ITSN1: variants seen among roughly 807,000 people sequenced by gnomAD.
ITSN1 encodes intersectin-1.
ITSN1 carries 58 observed loss-of-function variants against 239.8 expected under a neutral mutation model. The ratio of observed to expected loss-of-function variants is 0.24; its 90% CI spans 0.20 to 0.30. The LOEUF is 0.30. ITSN1 is among the 10% of genes least tolerant of loss of function. The pLI is 1.00. For missense variants in ITSN1, 1,558 were observed against 2,103.3 expected (o/e 0.74, Z 5.07); for synonymous variants, 780 against 770.8 (o/e 1.01, Z -0.20).
At position 33,791,548 on chromosome 21, in the gene ITSN1, A is replaced by G. The variant is rs150035220; in HGVS notation, c.1825-2793A>G. Among the ~76,000 whole-genome samples the G allele has an allele frequency of 2.3e-3, 352 of 152,236 alleles. 2 individuals are homozygous for G. The highest frequency in any genetic ancestry group is 2.5e-3 in the Non-Finnish European group (168 of 67,998). On this transcript the variant is annotated intron_variant, in intron 16 of 39. Transcript: ENST00000381318. ...TCATAGGTAGGTTTTTTTTCTGTAG[A>G]TTCTTCAAAATCACTTTTTCTTACA... is the stretch of plus-strand genomic sequence containing the variant.
At chr21:33,802,163 C>T (rs1172794904) in intron 19 of ITSN1, among the ~76,000 whole-genome samples, 2 of 152,066 alleles carry the variant, frequency 1.3e-5, no homozygotes, top group Non-Finnish European at 2.9e-5. Context: ...GCAGCTCGCT[C>T]TCATCCTAAA....
At chr21:33,655,201 C>T (rs1449970748) in intron 1 of ITSN1, among the ~76,000 whole-genome samples, 1 of 152,104 alleles carries the variant, frequency 6.6e-6, no homozygotes, top group African/African-American at 2.4e-5. Context: ...CTGTTTTAAA[C>T]CGGTGTAGAT....
intron 1 of ITSN1, among the ~76,000 whole-genome samples, chr21:33,710,313 C>T (rs574069890): frequency 2.0e-5 from 3 of 151,858 alleles, no homozygotes; most frequent in South Asian, 2.1e-4. Flanking sequence ...CTCCTGACCT[C>T]GTGAACCGCC....
At chr21:33,806,916 A>G in intron 20 of ITSN1, among the ~76,000 whole-genome samples, 1 of 152,198 alleles carries the variant, frequency 6.6e-6, no homozygotes, top group Admixed American at 6.5e-5. Context: ...TTGGATTGGC[A>G]TTTTGGGTAG....
chr21:33,823,966 T>G (rs2073834865), intron 25 of ITSN1, among the ~76,000 whole-genome samples: 1 of 152,208 alleles, frequency 6.6e-6, no homozygotes, highest in South Asian at 2.1e-4. Flanking sequence ...TGGAGTAAAC[T>G]TTCTTGATTA....
At chr21:33,704,172 T>C (rs1225173886) in intron 1 of ITSN1, among the ~76,000 whole-genome samples, 17 of 152,224 alleles carry the variant, frequency 1.1e-4, no homozygotes, top group Non-Finnish European at 2.2e-4. Context: ...GACTTCCTGC[T>C]TACATATGGT....
chr21:33,711,177 C>A (rs565751156), intron 1 of ITSN1, among the ~76,000 whole-genome samples: 2 of 152,198 alleles, frequency 1.3e-5, no homozygotes, highest in South Asian at 2.1e-4. Flanking sequence ...AAATTTGTTT[C>A]TTTTATCTAC....
At chr21:33,884,960 T>G in intron 36 of ITSN1, 81 bp from the exon 37 acceptor site, 1 of 960,464 alleles carries the variant, frequency 1.0e-6, no homozygotes, top group Non-Finnish European at 1.7e-6. Flanking sequence ...AGAAACAGAG[T>G]CCTGGCAACA....
At chr21:33,821,681 C>G (rs2073685905) in intron 24 of ITSN1, among the ~76,000 whole-genome samples, 1 of 152,144 alleles carries the variant, frequency 6.6e-6, no homozygotes, top group Non-Finnish European at 1.5e-5. Context: ...TTCCCAGTCT[C>G]CTTTATATTT....
At chr21:33,827,593 G>A (rs1329576461) in intron 26 of ITSN1, among the ~76,000 whole-genome samples, 2 of 152,206 alleles carry the variant, frequency 1.3e-5, no homozygotes, top group East Asian at 1.9e-4. Flanking sequence ...AGATTAGAGT[G>A]TAGGTCCCAT....
chr21:33,659,605 A>G (rs1294058088), intron 1 of ITSN1, among the ~76,000 whole-genome samples: 1 of 151,930 alleles, frequency 6.6e-6, no homozygotes, highest in Non-Finnish European at 1.5e-5. Flanking sequence ...CTGTGTCTAT[A>G]CACAGTATAG....
chr21:33,817,153 T>C (rs1285396773), intron 22 of ITSN1: 8 of 1,206,184 alleles, frequency 6.6e-6, no homozygotes, highest in Non-Finnish European at 8.5e-6. Flanking sequence ...TTTCATTTTT[T>C]ACTAAATGCT....
intron 1 of ITSN1, among the ~76,000 whole-genome samples, chr21:33,693,500 G>T (rs576905908): frequency 6.6e-6 from 1 of 152,034 alleles, no homozygotes; most frequent in Non-Finnish European, 1.5e-5. Flanking sequence ...GGGATTATAG[G>T]CATGCGCCAT....
At chr21:33,749,139 C>G (rs1950651995) in intron 5 of ITSN1, among the ~76,000 whole-genome samples, 1 of 151,734 alleles carries the variant, frequency 6.6e-6, no homozygotes, top group Admixed American at 6.6e-5. Flanking sequence ...CAGGCGGGTA[C>G]CACCATGCCT....
At chr21:33,758,129 C>T (rs1172774554) in intron 8 of ITSN1, among the ~76,000 whole-genome samples, 1 of 152,050 alleles carries the variant, frequency 6.6e-6, no homozygotes, top group East Asian at 1.9e-4. Flanking sequence ...GCAGTCCTAC[C>T]ACCTTGTCCT....
chr21:33,883,634 C>A lies in ITSN1; in HGVS notation c.4639C>A (p.Arg1547Ser), dbSNP rs759839079. The A allele has an allele frequency of 6.2e-7, 1 of 1,613,628 alleles. No homozygotes were observed. Among genetic ancestry groups the A allele is most frequent in the Non-Finnish European group, 8.5e-7 (1 of 1,179,762 alleles). ...EPIFHISHID[R>S]VYTLRAESIN... ...CATCTTCCACATCTCCCACATTGAC[C>A]GCGTCTATACTCTCCGAGCAGAAAG... Residue 1547 changes from arginine (R) to serine (S), a missense_variant, in exon 36 of 40, where the codon CGC becomes AGC. Physicochemically the swap from Arg to Ser is moderately radical, Grantham distance 110 (BLOSUM62 -1). Around this residue, in one of 2 missense-constraint regions of ITSN1, gnomAD observed 576 missense variants for 893.3 expected, o/e 0.64. Transcript: ENST00000381318.
chr21:33,725,133 G>GTTTTTT (rs1171718411), intron 4 of ITSN1, among the ~76,000 whole-genome samples: 11 of 91,174 alleles, frequency 1.2e-4, no homozygotes, highest in Non-Finnish European at 2.0e-4. Flanking sequence ...TTTTTTTTTT[G>GTTTTTT]TTTTTTTTTT....
chr21:33,669,096 A>AT (rs1230690740), intron 1 of ITSN1, among the ~76,000 whole-genome samples: 1 of 152,118 alleles, frequency 6.6e-6, no homozygotes, highest in Non-Finnish European at 1.5e-5. Flanking sequence ...AAGGTATTGT[A>AT]TTTTTTGAGA....
At chr21:33,871,739 CAA>C (rs59249373) in intron 33 of ITSN1, among the ~76,000 whole-genome samples, 54,818 of 137,850 alleles carry the variant, frequency 0.4, 10,576 homozygotes, top group East Asian at 0.53. Context: ...GACTCAGTCT[CAA>C]AAAAAAAAAA....
Sources: allele counts gnomAD v4.1 joint callset (sites outside exome capture counted in the v4.1 genomes callset), GRCh38; gene constraint gnomAD v4.1.1; regional missense constraint gnomAD v4.1.1; transcripts MANE v1.5; gene names NCBI Gene and HGNC (gene_info 2026-07-23, HGNC 2026-07-21).